The following PDS5B variants were observed in gnomAD, a reference collection of about 807,000 sequenced individuals.
The protein encoded by PDS5B is PDS5 cohesin associated factor B.
A neutral mutation model predicts 184.1 loss-of-function variants in PDS5B; 51 were observed. The observed-to-expected ratio is 0.28, with a 90% CI of 0.22 to 0.35. The LOEUF is 0.35. Ranked by LOEUF, PDS5B falls within the 10% of genes least tolerant of loss-of-function variation. The probability of loss-of-function intolerance (pLI) is 1.00; values close to 1 mark genes in which losing one functional copy is unlikely to be tolerated. For missense variants in PDS5B, 1,180 were observed against 1,723.3 expected (o/e 0.68, Z 5.58); for synonymous variants, 566 against 569.2 (o/e 0.99, Z 0.08).
chr13:32,641,801 T>A (rs1371127581), intron 1 of PDS5B, among the ~76,000 whole-genome samples: 1 of 152,134 alleles, frequency 6.6e-6, no homozygotes, highest in East Asian at 1.9e-4. Flanking sequence ...TATTTTCTCA[T>A]TTTACACTTT....
At chr13:32,764,750 T>G (rs1954530374) in intron 31 of PDS5B, among the ~76,000 whole-genome samples, 156 bp downstream of exon 31, 1 of 152,194 alleles carries the variant, frequency 6.6e-6, no homozygotes, top group South Asian at 2.1e-4. Flanking sequence ...TTATCCTCTA[T>G]GTAATTTAAG....
chr13:32,662,907 A>G (rs1593367493), intron 6 of PDS5B, among the ~76,000 whole-genome samples: 1 of 152,176 alleles, frequency 6.6e-6, no homozygotes, highest in South Asian at 2.1e-4. Flanking sequence ...ATGAAATGAG[A>G]AACAATGGAC....
intron 3 of PDS5B, among the ~76,000 whole-genome samples, chr13:32,655,374 A>ATTT (rs1228814649): frequency 1.2e-4 from 9 of 72,464 alleles, no homozygotes; most frequent in African/African-American, 2.5e-4. Context: ...ATATATATAT[A>ATTT]TTTTTTTTTT....
intron 26 of PDS5B, 144 bp from the exon 27 acceptor site, chr13:32,757,943 T>G (rs553213976): frequency 3.2e-5 from 13 of 404,694 alleles, no homozygotes; most frequent in African/African-American, 2.5e-4. Flanking sequence ...TTTTCCCTGC[T>G]GGTTTGTAAC....
chr13:32,735,222 A>G lies in PDS5B; in HGVS notation c.2298A>G (p.Pro766=), dbSNP rs778426919. 3.1e-6 allele frequency: 5 copies of G among 1,611,604 alleles called. No individual in the cohort carries two copies. In the Admixed American group the frequency reaches 6.7e-5, roughly 22 times the overall value. Residue 766 remains proline (P), a synonymous_variant, in exon 21 of 35, where the codon CCA becomes CCG. Transcript: ENST00000315596. ...DPSNLEHLIT[P]LVTIGHIALL... is the part of the protein sequence containing the mutation. ...GCAACCTGGAACATCTCATAACACC[A>G]TTGGTTACTATTGGTCATATTGCTC... is the stretch of plus-strand genomic sequence containing the variant.
At chr13:32,636,126 C>T (rs376683410) in intron 1 of PDS5B, among the ~76,000 whole-genome samples, 5 of 152,160 alleles carry the variant, frequency 3.3e-5, no homozygotes, top group South Asian at 2.1e-4. Flanking sequence ...GAAGTAAAAA[C>T]GAGAAAACTT....
chr13:32,687,863 A>G (rs1951440258), intron 12 of PDS5B, among the ~76,000 whole-genome samples: 1 of 152,190 alleles, frequency 6.6e-6, no homozygotes, highest in Admixed American at 6.6e-5. Flanking sequence ...TGCCTGTAGC[A>G]GATCAGAATG....
intron 19 of PDS5B, among the ~76,000 whole-genome samples, chr13:32,731,614 C>G (rs1448513392): frequency 4.0e-5 from 6 of 150,726 alleles, no homozygotes; most frequent in Non-Finnish European, 8.8e-5. Context: ...ATATTGGAGC[C>G]TTTTAATAGT....
At chr13:32,760,519 C>T (rs560623565) in intron 29 of PDS5B, 56 bp from the exon 30 acceptor site, 44 of 1,535,560 alleles carry the variant, frequency 2.9e-5, no homozygotes, top group African/African-American at 2.5e-4. Context: ...GTTCTTTACA[C>T]GTAACTTTCT....
chr13:32,627,723 T>C (rs2058392139), intron 1 of PDS5B, among the ~76,000 whole-genome samples: 1 of 152,176 alleles, frequency 6.6e-6, no homozygotes, highest in Admixed American at 6.5e-5. Flanking sequence ...TGCCAAAAAC[T>C]GCAAGTACAT....
At chr13:32,660,191 C>CTG (rs1950606872) in intron 6 of PDS5B, among the ~76,000 whole-genome samples, 1 of 152,192 alleles carries the variant, frequency 6.6e-6, no homozygotes, top group Non-Finnish European at 1.5e-5. Context: ...CCCAGCCCAG[C>CTG]CTCACTTCTG....
chr13:32,737,538 T>C (rs1474756093), intron 21 of PDS5B, among the ~76,000 whole-genome samples: 1 of 152,324 alleles, frequency 6.6e-6, no homozygotes, highest in African/African-American at 2.4e-5. Context: ...TCCCTCCTTA[T>C]TTGAAACTTT....
chr13:32,660,659 T>A (rs975138187), intron 6 of PDS5B, among the ~76,000 whole-genome samples: 1 of 152,196 alleles, frequency 6.6e-6, no homozygotes, highest in African/African-American at 2.4e-5. Context: ...ATCTGAGGCC[T>A]CCATCCGTTG....
chr13:32,768,808 A>C (rs867282658), intron 31 of PDS5B, among the ~76,000 whole-genome samples: 9 of 46,252 alleles, frequency 1.9e-4, no homozygotes, highest in South Asian at 9.0e-4. Context: ...AAAAAAAAAG[A>C]AAAAAAAAAA....
At chr13:32,694,356 T>A (rs771587156) in intron 14 of PDS5B, 52 bp downstream of exon 14, 1 of 1,080,132 alleles carries the variant, frequency 9.3e-7, no homozygotes, top group East Asian at 2.4e-5. Context: ...GTATTTTAAT[T>A]ACTATTTACC....
chr13:32,600,432 G>A (rs191905985), intron 1 of PDS5B, among the ~76,000 whole-genome samples: 9 of 152,176 alleles, frequency 5.9e-5, no homozygotes, highest in Middle Eastern at 6.8e-3. Context: ...GTTTTAAGAT[G>A]GGTCTATAGA....
At chr13:32,704,376 C>T (rs1951946815) in intron 17 of PDS5B, among the ~76,000 whole-genome samples, 1 of 152,118 alleles carries the variant, frequency 6.6e-6, no homozygotes, top group Non-Finnish European at 1.5e-5. Context: ...ACCGTGTTGC[C>T]CAGGCTTGTC....
intron 11 of PDS5B, among the ~76,000 whole-genome samples, chr13:32,685,226 C>A (rs932752364): frequency 2.0e-5 from 3 of 152,182 alleles, no homozygotes; most frequent in Non-Finnish European, 4.4e-5. Flanking sequence ...GTTTTCCCTT[C>A]AAATCTATAG....
chr13:32,631,421 T>C (rs1333962936), intron 1 of PDS5B, among the ~76,000 whole-genome samples: 1 of 152,200 alleles, frequency 6.6e-6, no homozygotes, highest in Non-Finnish European at 1.5e-5. Context: ...TCACATTATC[T>C]AACACATACA....
Sources: gnomAD v4.1 joint callset for allele counts (sites outside exome capture counted in the v4.1 genomes callset) on GRCh38, gnomAD v4.1.1 for gene constraint, MANE v1.5 for transcripts, NCBI Gene and HGNC (gene_info 2026-07-23, HGNC 2026-07-21) for gene names.